Variants in TLL1 observed in about 807,000 individuals in gnomAD.
TLL1 encodes tolloid-like protein 1.
A neutral mutation model predicts 128.2 loss-of-function variants in TLL1; 49 were observed. The observed-to-expected ratio is 0.38, with a 90% CI of 0.30 to 0.48. The LOEUF is 0.48. Among genes scored for constraint, TLL1 ranks in the 20% least tolerant of loss-of-function variants. The probability of loss-of-function intolerance (pLI) is 0.96; values close to 1 mark genes in which losing one functional copy is unlikely to be tolerated. For missense variants in TLL1, 1,123 were observed against 1,242.0 expected, an observed-to-expected ratio of 0.90 and a Z score of 1.44; for synonymous variants, 454 against 418.8, an observed-to-expected ratio of 1.08 and a Z score of -1.03.
intron 1 of TLL1, among the ~76,000 whole-genome samples, chr4:165,891,699 T>C (rs554763227): frequency 2.0e-5 from 3 of 152,326 alleles, no homozygotes; most frequent in Middle Eastern, 6.8e-3. Flanking sequence ...ATCAGTATTT[T>C]GGTCAAAACC....
rs561777055 is a variant in TLL1 at position 165,908,816 on chromosome 4, A to G, written c.169+34743A>G. On this transcript the variant is annotated intron_variant, in intron 1 of 20. Transcript: ENST00000061240. ...GCCAGGCATGGTTGTGGCACAGGCC[A>G]AAGTGTTAGTTATGGAGGGAAGTAT... 3.9e-5 allele frequency among the ~76,000 whole-genome samples: 6 copies of G among 152,266 alleles called. No individual in the cohort carries two copies. The South Asian group carries it at 1.2e-3, about 32-fold the overall frequency.
intron 16 of TLL1, among the ~76,000 whole-genome samples, chr4:166,070,844 G>A (rs1276892982): frequency 6.6e-6 from 1 of 151,822 alleles, no homozygotes; most frequent in Non-Finnish European, 1.5e-5. Flanking sequence ...AATGAAATTC[G>A]ACATGATATT....
intron 1 of TLL1, among the ~76,000 whole-genome samples, chr4:165,902,318 C>CA (rs1357855458): frequency 6.6e-6 from 1 of 151,860 alleles, no homozygotes; most frequent in Non-Finnish European, 1.5e-5. Context: ...AACAAAAAAA[C>CA]AAAAACAAAA....
At chr4:165,890,194 C>T (rs1257487292) in intron 1 of TLL1, among the ~76,000 whole-genome samples, 3 of 152,136 alleles carry the variant, frequency 2.0e-5, no homozygotes, top group Non-Finnish European at 4.4e-5. Context: ...TAACTCTCAC[C>T]ATGTCCCTCT....
At chr4:166,033,077 G>A (rs1426562011) in intron 9 of TLL1, among the ~76,000 whole-genome samples, 1 of 152,098 alleles carries the variant, frequency 6.6e-6, no homozygotes, top group East Asian at 1.9e-4. Context: ...AGATAGAATT[G>A]AATGTTAATA....
At chr4:166,040,563 G>T (rs1345606331) in intron 10 of TLL1, among the ~76,000 whole-genome samples, 1 of 152,184 alleles carries the variant, frequency 6.6e-6, no homozygotes, top group Non-Finnish European at 1.5e-5. Context: ...TGGTTTTTGT[G>T]TGAAAAGCTT....
intron 1 of TLL1, among the ~76,000 whole-genome samples, chr4:165,930,958 T>C (rs1332694407): frequency 6.6e-6 from 1 of 152,192 alleles, no homozygotes; most frequent in East Asian, 1.9e-4. Flanking sequence ...ACAATAACAA[T>C]AGCAAATGCT....
At position 166,100,990 on chromosome 4, in the gene TLL1, A is replaced by G. The variant is rs979359224; in HGVS notation, c.*114A>G. On this transcript the variant is annotated 3_prime_UTR_variant, in exon 21 of 21. Coordinates refer to ENST00000061240, the MANE Select transcript of TLL1 (RefSeq NM_012464.5). ...TTTATACAAAGAGTTTGAACAAAAA[A>G]TCCCTGTAAGACCAGAATTATCTTT... 2.9e-6 allele frequency: 4 copies of G among 1,371,858 alleles called. No individual in the cohort carries two copies. The allele number at this position is 1,371,858 out of a possible 1,614,324, so 85.0% of individuals were successfully genotyped here.
chr4:166,011,190 C>CA (rs1486607663), intron 7 of TLL1, among the ~76,000 whole-genome samples: 9 of 150,614 alleles, frequency 6.0e-5, no homozygotes, highest in East Asian at 1.9e-4. Flanking sequence ...TCTATTTCAG[C>CA]AAAAAAAATG....
intron 9 of TLL1, among the ~76,000 whole-genome samples, chr4:166,035,255 C>T (rs1259909395): frequency 2.0e-5 from 3 of 152,118 alleles, no homozygotes; most frequent in Non-Finnish European, 4.4e-5. Context: ...TGGTTTCCAC[C>T]TGTCATCAAA....
intron 12 of TLL1, among the ~76,000 whole-genome samples, chr4:166,051,299 T>C (rs1482568021): frequency 2.4e-5 from 3 of 126,420 alleles, no homozygotes; most frequent in Admixed American, 1.7e-4. Context: ...CCCTCCCTCC[T>C]TTCCTTCCTT....
chr4:165,972,265 G>A (rs1026229635), intron 1 of TLL1, among the ~76,000 whole-genome samples: 1 of 152,166 alleles, frequency 6.6e-6, no homozygotes, highest in Non-Finnish European at 1.5e-5. Flanking sequence ...CTTTGATTTT[G>A]CACGTTTCAG....
chr4:165,995,140 T>TGAA lies in TLL1; in HGVS notation c.597_599dup (p.Glu200dup). The TGAA allele has an allele frequency of 1.2e-6, 2 of 1,613,942 alleles. No individual in the cohort carries two copies. Among genetic ancestry groups the TGAA allele is most frequent in the Non-Finnish European group, 1.7e-6 (2 of 1,179,914 alleles). ...GTGTGACTTTCATAGAAAGAAGTGA[T>TGAA]GAAGAGAGTTACATTGTATTCACCT... On this transcript the variant is annotated inframe_insertion, in exon 5 of 21. Transcript: ENST00000061240.
At chr4:165,997,173 C>T (rs1366959810) in intron 5 of TLL1, among the ~76,000 whole-genome samples, 4 of 152,082 alleles carry the variant, frequency 2.6e-5, no homozygotes, top group African/African-American at 9.7e-5. Flanking sequence ...TATGATAATG[C>T]TTCACTTAAA....
Position 166,044,571 on chromosome 4 carries a change from T to C in TLL1, c.1524+1152T>C, listed in dbSNP as rs1579665879. On this transcript the variant is annotated intron_variant, in intron 12 of 20. Coordinates refer to ENST00000061240, the MANE Select transcript of TLL1 (RefSeq NM_012464.5). Reference sequence around the variant, plus strand: ...ATGTTGTATTTTATGCTCCAGACCATTTTTTTTTTGTACTTTTGGAAACTG... The same window carrying C: ...ATGTTGTATTTTATGCTCCAGACCACTTTTTTTTTGTACTTTTGGAAACTG... 6 of 233,154 alleles carry C rather than the reference T, an allele frequency of 2.6e-5. No individual in the cohort carries two copies. The South Asian group carries it at 5.7e-4, about 22-fold the overall frequency. The allele number at this position is 233,154 out of a possible 1,614,324, so 14.4% of individuals were successfully genotyped here.
chr4:166,052,965 G>GTGTATATGTGTATATATATATATATATA, intron 12 of TLL1, among the ~76,000 whole-genome samples: 1 of 99,700 alleles, frequency 1.0e-5, no homozygotes, highest in Non-Finnish European at 2.1e-5. Context: ...GAGGTTATGT[G>GTGTATATGTGTATATATATATATATATA]TATATATATA....
At chr4:166,085,450 C>T (rs1015677542) in intron 18 of TLL1, among the ~76,000 whole-genome samples, 99 of 146,632 alleles carry the variant, frequency 6.8e-4, no homozygotes, top group Non-Finnish European at 7.5e-5. Context: ...GTTGCACATT[C>T]TTTATATGCC....
chr4:165,942,364 T>C (rs28505791), intron 1 of TLL1, among the ~76,000 whole-genome samples: 8,162 of 151,852 alleles, frequency 0.054, 711 homozygotes, highest in African/African-American at 0.18. Context: ...CTTCCTTCTC[T>C]GTCCACCTTA....
At chr4:165,977,900 T>C (rs1387745205) in intron 1 of TLL1, among the ~76,000 whole-genome samples, 1 of 152,204 alleles carries the variant, frequency 6.6e-6, no homozygotes, top group Non-Finnish European at 1.5e-5. Flanking sequence ...TCTGTATATA[T>C]ATGTTTGCAA....
Sources: gnomAD v4.1 joint callset for allele counts (sites outside exome capture counted in the v4.1 genomes callset) on GRCh38, gnomAD v4.1.1 for gene constraint, MANE v1.5 for transcripts, NCBI Gene and HGNC (gene_info 2026-07-23, HGNC 2026-07-21) for gene names.